The following OCA2 variants were observed in gnomAD, a reference collection of about 807,000 sequenced individuals.
The protein encoded by OCA2 is P protein.
In OCA2, 77 loss-of-function variants were observed where a neutral mutation model predicts 100.2. That is an observed-to-expected ratio of 0.77 (90% confidence interval 0.64 to 0.93). The LOEUF (loss-of-function observed/expected upper bound fraction) is 0.93. Ranked by LOEUF, OCA2 falls within the 40% of genes least tolerant of loss-of-function variation. The pLI is 0.00. For synonymous variants in OCA2, 432 were observed against 439.2 expected, an observed-to-expected ratio of 0.98 and a Z score of 0.21; for missense variants, 1,062 against 1,089.1, an observed-to-expected ratio of 0.98 and a Z score of 0.35.
At chr15:27,729,178 C>A in the OCA2 span, among the ~76,000 whole-genome samples, 93 of 152,196 alleles carry the variant, frequency 6.1e-4, 1 homozygote, top group Admixed American at 2.4e-3. Flanking sequence ...TCCATTATTT[C>A]TACCAACAAT....
intron 19 of OCA2, among the ~76,000 whole-genome samples, chr15:27,907,338 T>A (rs983521112): frequency 1.3e-5 from 2 of 152,116 alleles, no homozygotes; most frequent in African/African-American, 4.8e-5. Flanking sequence ...TAAAAAATGA[T>A]GAAAACACTA....
chr15:27,827,795 GAA>G (rs2034791475), intron 23 of OCA2, among the ~76,000 whole-genome samples: 1 of 152,126 alleles, frequency 6.6e-6, no homozygotes, highest in Admixed American at 6.5e-5. Context: ...TAATCAGGAA[GAA>G]AGTAAATTAT....
intron 18 of OCA2, among the ~76,000 whole-genome samples, chr15:27,932,151 T>G (rs1322218467): frequency 6.6e-6 from 1 of 152,260 alleles, no homozygotes; most frequent in African/African-American, 2.4e-5. Flanking sequence ...ATATGGGGAC[T>G]GAGAGAAGGT....
the OCA2 span, among the ~76,000 whole-genome samples, chr15:27,721,294 G>A: frequency 6.6e-6 from 1 of 152,126 alleles, no homozygotes; most frequent in Admixed American, 6.5e-5. Context: ...CTCGAGCCCA[G>A]GAGGCAGAGG....
intron 23 of OCA2, among the ~76,000 whole-genome samples, chr15:27,821,797 C>T (rs867611775): frequency 6.6e-6 from 1 of 152,292 alleles, no homozygotes; most frequent in Middle Eastern, 3.4e-3. Context: ...GCACACTACA[C>T]ACATACACAG....
chr15:27,930,190 T>C (rs530522794), intron 18 of OCA2, among the ~76,000 whole-genome samples: 2 of 152,308 alleles, frequency 1.3e-5, no homozygotes, highest in South Asian at 4.1e-4. Context: ...TTGAACACGA[T>C]GTTTGCTGTA....
intron 1 of OCA2, among the ~76,000 whole-genome samples, chr15:28,087,387 C>T (rs4778236): frequency 2.0e-5 from 3 of 151,978 alleles, no homozygotes; most frequent in Non-Finnish European, 4.4e-5. Context: ...AGAATGGCTA[C>T]AGGAAGTTCT....
intron 19 of OCA2, among the ~76,000 whole-genome samples, chr15:27,910,480 G>T (rs907670753): frequency 6.6e-6 from 1 of 152,074 alleles, no homozygotes; most frequent in African/African-American, 2.4e-5. Flanking sequence ...ACAAAATGGG[G>T]TACTATATAG....
At chr15:27,893,957 A>G (rs111674416) in intron 19 of OCA2, among the ~76,000 whole-genome samples, 2,373 of 152,100 alleles carry the variant, frequency 0.016, 55 homozygotes, top group African/African-American at 0.05. Flanking sequence ...TCTTTGATGC[A>G]TGTGATCTTT....
intron 23 of OCA2, among the ~76,000 whole-genome samples, chr15:27,806,522 A>G (rs2033856584): frequency 6.6e-6 from 1 of 152,032 alleles, no homozygotes; most frequent in African/African-American, 2.4e-5. Context: ...GTCGGGGTAG[A>G]AGACCCCGGA....
At chr15:27,871,748 C>T (rs2036583152) in intron 20 of OCA2, 115 bp downstream of exon 20, 2 of 789,640 alleles carry the variant, frequency 2.5e-6, no homozygotes, top group South Asian at 3.0e-5. Flanking sequence ...CCCTGCTGTG[C>T]CTTTTTACAT....
chr15:27,875,324 T>A (rs1001486721), intron 19 of OCA2, among the ~76,000 whole-genome samples: 1 of 152,156 alleles, frequency 6.6e-6, no homozygotes, highest in Non-Finnish European at 1.5e-5. Flanking sequence ...ACATAACACA[T>A]CGACAGAGTC....
chr15:27,858,692 G>A (rs2133243), intron 21 of OCA2, among the ~76,000 whole-genome samples: 65,006 of 151,718 alleles, frequency 0.43, 15,815 homozygotes, highest in African/African-American at 0.64. Flanking sequence ...AAAATAGAAC[G>A]TGGAAATATA....
At chr15:28,092,339 T>C (rs1189879535) in intron 1 of OCA2, among the ~76,000 whole-genome samples, 2 of 152,112 alleles carry the variant, frequency 1.3e-5, no homozygotes, top group East Asian at 1.9e-4. Flanking sequence ...TCAGTGAATA[T>C]ACTGAAAAAA....
intron 19 of OCA2, among the ~76,000 whole-genome samples, chr15:27,894,357 T>C (rs888507703): frequency 2.6e-5 from 4 of 152,198 alleles, no homozygotes; most frequent in African/African-American, 9.6e-5. Flanking sequence ...ATAGCTAAGA[T>C]GCCAGGACAT....
rs145580852 is a variant in OCA2, at chr15:28,061,172, G to A, written c.227+20476C>T. On this transcript the variant is annotated intron_variant, in intron 2 of 23. Coordinates refer to ENST00000354638, the MANE Select transcript of OCA2 (RefSeq NM_000275.3). ...TCTACCCACTCACCTCTGGATGACC[G>A]TGAGGCTCTGCAGAAGCCAGAAGTG... Among the ~76,000 whole-genome samples, 79 of 152,340 alleles carry A rather than the reference G, an allele frequency of 5.2e-4. 1 individual carries two copies. Among genetic ancestry groups the A allele is most frequent in the African/African-American group, 1.8e-3 (75 of 41,584 alleles).
intron 23 of OCA2, among the ~76,000 whole-genome samples, chr15:27,763,682 C>T (rs192082760): frequency 1.2e-4 from 18 of 152,118 alleles, no homozygotes; most frequent in African/African-American, 3.9e-4. Flanking sequence ...CAGGGCACAG[C>T]TGGCTGGGAG....
intron 9 of OCA2, among the ~76,000 whole-genome samples, chr15:27,994,514 C>G (rs558675626): frequency 6.6e-6 from 1 of 152,188 alleles, no homozygotes; most frequent in Admixed American, 6.5e-5. Flanking sequence ...CCTAGCTTCC[C>G]AGGCATCGCC....
intron 4 of OCA2, among the ~76,000 whole-genome samples, chr15:28,026,988 C>T (rs944339196): frequency 6.6e-6 from 1 of 152,236 alleles, no homozygotes; most frequent in Admixed American, 6.5e-5. Flanking sequence ...CAAGGCCCTG[C>T]GATGGGCGCT....
Sources: gnomAD v4.1 joint callset for allele counts (sites outside exome capture counted in the v4.1 genomes callset) on GRCh38, gnomAD v4.1.1 for gene constraint, MANE v1.5 for transcripts, NCBI Gene and HGNC (gene_info 2026-07-23, HGNC 2026-07-21) for gene names.